The following MYH7 variants were observed in gnomAD, a reference collection of about 807,000 sequenced individuals.
The protein encoded by MYH7 is myosin heavy chain 7.
A neutral mutation model predicts 225.4 loss-of-function variants in MYH7; 129 were observed. The ratio of observed to expected loss-of-function variants is 0.57; its 90% CI spans 0.50 to 0.66. The LOEUF (loss-of-function observed/expected upper bound fraction) is 0.66, where lower values mean the gene tolerates loss of function less well. Among genes scored for constraint, MYH7 ranks in the 30% least tolerant of loss-of-function variants. MYH7 has a pLI of 0.00. For missense variants in MYH7, 1,649 were observed against 2,517.0 expected, an observed-to-expected ratio of 0.66 and a Z score of 7.38; for synonymous variants, 971 against 1,007.6, an observed-to-expected ratio of 0.96 and a Z score of 0.69.
chr14:23,416,922 T>C lies in MYH7; in HGVS notation c.4590A>G (p.Arg1530=), dbSNP rs768723855. 4 of 1,614,238 alleles carry C rather than the reference T, an allele frequency of 2.5e-6. No homozygotes were observed. The highest frequency in any genetic ancestry group is 1.7e-5 in the Admixed American group (1 of 60,026). The change falls in exon 33 of 40, where the codon CGA becomes CGG. Residue 1530 remains arginine, a synonymous_variant. Transcript: ENST00000355349. ...GKTIHELEKV[R]KQLEAEKMEL... Reference sequence around the variant, plus strand: ...CCATCTTCTCGGCCTCCAGCTGCTTTCGGACCTTCTCCAGCTCATGGATAG... The same window carrying C: ...CCATCTTCTCGGCCTCCAGCTGCTTCCGGACCTTCTCCAGCTCATGGATAG...
intron 24 of MYH7, among the ~76,000 whole-genome samples, chr14:23,422,929 G>A (rs555827831): frequency 1.2e-4 from 18 of 152,218 alleles, no homozygotes; most frequent in African/African-American, 3.4e-4. Flanking sequence ...GCGGCTGGCC[G>A]CCGTATTCAT....
At chr14:23,426,690 G>T in intron 18 of MYH7, 87 bp downstream of exon 18, 1 of 1,236,326 alleles carries the variant, frequency 8.1e-7, no homozygotes, top group Non-Finnish European at 1.2e-6. Context: ...AAACCACTGT[G>T]GTGGTAGGTA....
rs753814030 is a variant in MYH7, at chr14:23,417,347, C to T, written c.4354-29G>A. 3.1e-6 allele frequency: 5 copies of T among 1,612,520 alleles called. No homozygotes were observed. The South Asian group carries it at 4.4e-5, about 14-fold the overall frequency. On this transcript the variant is annotated intron_variant, in intron 31 of 39. Transcript: ENST00000355349. ...CCCGGGGACAAGGCTCACTCTTCAG[C>T]CCCCCAGCCTCAGCCCCATGTCCAG...
intron 25 of MYH7, chr14:23,421,765 G>A (rs1892482018): frequency 1.0e-6 from 1 of 985,314 alleles, no homozygotes. Context: ...CTGATCCCCT[G>A]ACTTCTTTAA....
At chr14:23,417,030 G>A (rs1361469373) in intron 32 of MYH7, 38 bp from the exon 33 acceptor site, 1 of 1,614,154 alleles carries the variant, frequency 6.2e-7, no homozygotes, top group South Asian at 1.1e-5. Context: ...GAGGGCTGCT[G>A]AGGTCCAGTG....
chr14:23,418,490 C>G (rs921753019), intron 29 of MYH7, 84 bp from the exon 30 acceptor site: 55 of 1,441,716 alleles, frequency 3.8e-5, no homozygotes, highest in Non-Finnish European at 4.5e-5. Flanking sequence ...ACCCCAATCT[C>G]AACATCATCC....
chr14:23,423,472 CA>C, intron 24 of MYH7, 74 bp downstream of exon 24: 1 of 1,538,886 alleles, frequency 6.5e-7, no homozygotes, highest in Non-Finnish European at 9.0e-7. Context: ...CACACACACA[CA>C]CACACACACA....
chr14:23,423,676 G>A lies in MYH7; in HGVS notation c.2970C>T (p.Ala990=). ...GAGCTTTCTTCTCCTTGGTCAGCTT[G>A]GCAATGATCTCATCCAGCCCAGCCA... ...EEMAGLDEII[A]KLTKEKKALQ... is the part of the protein sequence containing the mutation. Residue 990 remains alanine, a synonymous_variant, in exon 24 of 40, where the codon GCC becomes GCT. Transcript: ENST00000355349. 2.5e-6 allele frequency: 4 copies of A among 1,614,044 alleles called. No homozygotes were observed. Among genetic ancestry groups the A allele is most frequent in the Non-Finnish European group, 2.5e-6 (3 of 1,180,012 alleles).
chr14:23,427,213 A>G (rs749573686), intron 17 of MYH7, 27 bp downstream of exon 17: 4 of 1,612,544 alleles, frequency 2.5e-6, no homozygotes, highest in African/African-American at 1.3e-5. Flanking sequence ...TGGGGAGCCA[A>G]GTTGGCTGGG....
intron 25 of MYH7, 117 bp downstream of exon 25, chr14:23,422,063 G>A: frequency 1.3e-6 from 2 of 1,487,276 alleles, no homozygotes; most frequent in Non-Finnish European, 9.3e-7. Context: ...CCCATGGTTT[G>A]CGCCTCCACT....
In MYH7 at chr14:23,415,296, T is replaced by C. The variant is rs554943023; in HGVS notation, c.5284-26A>G. On this transcript the variant is annotated intron_variant, in intron 36 of 39. Coordinates refer to ENST00000355349, the MANE Select transcript of MYH7 (RefSeq NM_000257.4). This position sits in a 1 kb window ranked among gnomAD's most constrained non-coding sequence, Gnocchi z 6.3. ...CTGTGTGCAGGAGAGAGGTGGCACA[T>C]GGTCTGGTCAAGTCCTCACACACTT... The C allele has an allele frequency of 5.6e-6, 9 of 1,614,228 alleles. No homozygotes were observed. The highest frequency in any genetic ancestry group is 2.7e-5 in the African/African-American group (2 of 75,056).
intron 4 of MYH7, 79 bp from the exon 5 acceptor site, chr14:23,432,874 C>T (rs1893005990): frequency 1.3e-6 from 2 of 1,585,826 alleles, no homozygotes; most frequent in Admixed American, 1.7e-5. Flanking sequence ...AGAAAGATCC[C>T]AGGAGAGAAA....
intron 26 of MYH7, 43 bp from the exon 27 acceptor site, chr14:23,420,277 C>G (rs2138654868): frequency 3.8e-6 from 6 of 1,597,246 alleles, no homozygotes; most frequent in Non-Finnish European, 5.1e-6. Flanking sequence ...CTGGACCCCT[C>G]CACTGGAATC....
intron 7 of MYH7, 21 bp downstream of exon 7, chr14:23,431,740 C>T (rs1892952214): frequency 1.2e-6 from 2 of 1,614,188 alleles, no homozygotes; most frequent in Non-Finnish European, 1.7e-6. Flanking sequence ...GGTACAGGAC[C>T]TTGGAGGGCA....
chr14:23,418,871 AG>A (rs1349463122), intron 29 of MYH7, among the ~76,000 whole-genome samples: 3 of 152,052 alleles, frequency 2.0e-5, no homozygotes, highest in Non-Finnish European at 2.9e-5. Context: ...TGCAAATCCC[AG>A]GACCCATTTG....
intron 15 of MYH7, among the ~76,000 whole-genome samples, chr14:23,428,238 C>A (rs1354389602): frequency 6.6e-6 from 1 of 152,108 alleles, no homozygotes; most frequent in Non-Finnish European, 1.5e-5. Context: ...TAAACCAGGC[C>A]CAATAAACAT....
In MYH7 at chr14:23,425,174, C is replaced by G; in HGVS notation, c.2423+108G>C. On this transcript the variant is annotated intron_variant, in intron 21 of 39. Transcript: ENST00000355349. The surrounding 1 kb of genome is among the most constrained non-coding windows in gnomAD (Gnocchi z 4.6). ...CTGCAGTGTGTTCATATGAGCCCCTCCTGCAGGTCTCTGTGTTTGAAGATC... is the reference window on the plus strand; with the variant it reads ...CTGCAGTGTGTTCATATGAGCCCCTGCTGCAGGTCTCTGTGTTTGAAGATC... 2 of 1,599,706 alleles carry G rather than the reference C, an allele frequency of 1.3e-6. No individual in the cohort carries two copies. Among genetic ancestry groups the G allele is most frequent in the Non-Finnish European group, 1.7e-6 (2 of 1,168,602 alleles).
At chr14:23,432,238 C>T (rs1044039378) in intron 6 of MYH7, among the ~76,000 whole-genome samples, 8 of 151,736 alleles carry the variant, frequency 5.3e-5, no homozygotes, top group Non-Finnish European at 1.0e-4. Context: ...TGGATAAACG[C>T]GTGATGAGTT....
chr14:23,428,368 G>A (rs955585150), intron 15 of MYH7, 132 bp downstream of exon 15: 4 of 1,454,122 alleles, frequency 2.8e-6, no homozygotes, highest in Non-Finnish European at 3.8e-6. Context: ...CATAGGCTCT[G>A]GAACCAAGGG....
Sources: allele counts gnomAD v4.1 joint callset (sites outside exome capture counted in the v4.1 genomes callset), GRCh38; gene constraint gnomAD v4.1.1; non-coding constraint Gnocchi (gnomAD v3.1); transcripts MANE v1.5; gene names NCBI Gene and HGNC (gene_info 2026-07-23, HGNC 2026-07-21).